Variants in FILIP1L observed in about 807,000 individuals in gnomAD.
FILIP1L encodes the protein filamin A-interacting protein 1-like.
In FILIP1L, 55 loss-of-function variants were observed where a neutral mutation model predicts 96.6. That is an observed-to-expected ratio of 0.57 (90% CI 0.46 to 0.71). FILIP1L has a LOEUF of 0.71. FILIP1L is among the 30% of genes least tolerant of loss of function. The pLI, the probability that FILIP1L is intolerant of heterozygous loss-of-function variation, is 0.00. For synonymous variants in FILIP1L, 467 were observed against 473.9 expected (o/e 0.99, Z 0.19); for missense variants, 1,304 against 1,321.2 (o/e 0.99, Z 0.20).
chr3:100,014,904 T>TC (rs1425892547), intron 1 of FILIP1L, among the ~76,000 whole-genome samples: 1 of 143,028 alleles, frequency 7.0e-6, no homozygotes, highest in Non-Finnish European at 1.5e-5. Context: ...TCTTTTTTTT[T>TC]TTTTTTTTTT....
At chr3:100,053,556 G>A (rs1464878216) in intron 1 of FILIP1L, among the ~76,000 whole-genome samples, 1 of 152,116 alleles carries the variant, frequency 6.6e-6, no homozygotes, top group Admixed American at 6.5e-5. Context: ...ATCTTAACTT[G>A]ATTACGTCAG....
chr3:100,026,735 T>C (rs138249241), intron 1 of FILIP1L, among the ~76,000 whole-genome samples: 237 of 152,306 alleles, frequency 1.6e-3, no homozygotes, highest in Middle Eastern at 3.4e-3. Flanking sequence ...TCTGTTGCAC[T>C]ACTGTGGTCC....
In FILIP1L at chr3:100,038,750, C is replaced by T. The variant is rs183262096; in HGVS notation, c.-11+75303G>A. ...TCCTGGGCTCAAGCGATCCTCCCAC[C>T]TCAGCCTCCCAAGTAGCTGAGATTA... On this transcript the variant is annotated intron_variant, in intron 1 of 5. Transcript: ENST00000477258. Among the ~76,000 whole-genome samples, 197 of 152,296 alleles carry T rather than the reference C, an allele frequency of 1.3e-3. 2 individuals are homozygous for T. The highest frequency in any genetic ancestry group is 4.6e-3 in the African/African-American group (190 of 41,572).
chr3:99,987,820 A>G (rs980371734), intron 1 of FILIP1L, among the ~76,000 whole-genome samples: 2 of 152,222 alleles, frequency 1.3e-5, no homozygotes, highest in Non-Finnish European at 2.9e-5. Context: ...TGTTTTTATT[A>G]ACTTAAAAAA....
At chr3:100,005,560 A>G (rs1046969312) in intron 1 of FILIP1L, among the ~76,000 whole-genome samples, 1 of 152,256 alleles carries the variant, frequency 6.6e-6, no homozygotes, top group African/African-American at 2.4e-5. Flanking sequence ...GTAATAAACC[A>G]AATTTTACAA....
chr3:99,861,377 T>C (rs1380069556), intron 4 of FILIP1L, among the ~76,000 whole-genome samples: 1 of 152,244 alleles, frequency 6.6e-6, no homozygotes, highest in Non-Finnish European at 1.5e-5. Context: ...CAGCATGTGA[T>C]GCCTTGTATT....
At chr3:99,925,589 T>G (rs1707266649) in intron 3 of FILIP1L, among the ~76,000 whole-genome samples, 1 of 152,158 alleles carries the variant, frequency 6.6e-6, no homozygotes. Flanking sequence ...TAAAAAAAAT[T>G]TTTGATTAAC....
chr3:99,833,678 G>A (rs1942779683), intron 5 of FILIP1L, among the ~76,000 whole-genome samples: 2 of 152,186 alleles, frequency 1.3e-5, no homozygotes, highest in Non-Finnish European at 2.9e-5. Flanking sequence ...AGAAAGCAGT[G>A]TTTTCTCAGG....
chr3:100,047,510 C>A (rs1041234832), intron 1 of FILIP1L, among the ~76,000 whole-genome samples: 1 of 152,124 alleles, frequency 6.6e-6, no homozygotes, highest in Non-Finnish European at 1.5e-5. Flanking sequence ...CTGAAACCAG[C>A]GAGGGTCATA....
At position 99,879,684 on chromosome 3, in the gene FILIP1L, C is replaced by T. The variant is rs1705654845; in HGVS notation, c.606-28614G>A. 1.3e-5 allele frequency among the ~76,000 whole-genome samples: 2 copies of T among 152,276 alleles called. 1 individual carries two copies. Among genetic ancestry groups the T allele is most frequent in the South Asian group, 4.1e-4 (2 of 4,822 alleles). On this transcript the variant is annotated intron_variant, in intron 4 of 5. Transcript: ENST00000477258. The stretch of plus-strand genomic sequence containing the variant: ...TTAAGCAGTTGGTACGCTCTGCTCC[C>T]TAGGAGCTCTGCTTTGAGCTATGAG...
intron 1 of FILIP1L, among the ~76,000 whole-genome samples, chr3:100,015,569 T>C (rs1366483391): frequency 6.6e-6 from 1 of 152,232 alleles, no homozygotes; most frequent in Non-Finnish European, 1.5e-5. Flanking sequence ...CATTCTTGGT[T>C]TCAAGTTCAT....
At chr3:99,963,955 C>T (rs779875535) in intron 1 of FILIP1L, among the ~76,000 whole-genome samples, 4 of 152,044 alleles carry the variant, frequency 2.6e-5, no homozygotes, top group Non-Finnish European at 5.9e-5. Flanking sequence ...TGTGTCATAA[C>T]GAAAATGATC....
intron 1 of FILIP1L, among the ~76,000 whole-genome samples, chr3:100,043,777 TC>T (rs56688172): frequency 0.01 from 1,536 of 152,350 alleles, 24 homozygotes; most frequent in African/African-American, 0.035. Context: ...AGTTAACATA[TC>T]CATCACCTCA....
intron 1 of FILIP1L, among the ~76,000 whole-genome samples, chr3:99,990,950 G>A (rs1197748461): frequency 6.6e-6 from 1 of 152,080 alleles, no homozygotes; most frequent in Admixed American, 6.5e-5. Context: ...TTAAACTTTG[G>A]TTGGAAATAA....
At chr3:99,973,736 T>A (rs80017418) in intron 1 of FILIP1L, among the ~76,000 whole-genome samples, 404 of 152,206 alleles carry the variant, frequency 2.7e-3, no homozygotes, top group Admixed American at 5.0e-3. Flanking sequence ...TTAAGCTCAC[T>A]TTTTTCCCCC....
chr3:99,883,280 C>G (rs1389144812), intron 4 of FILIP1L, among the ~76,000 whole-genome samples: 1 of 152,194 alleles, frequency 6.6e-6, no homozygotes, highest in Non-Finnish European at 1.5e-5. Context: ...AACTTCCACT[C>G]ATTGTTCTTC....
chr3:100,007,772 G>A (rs1710030126), intron 1 of FILIP1L, among the ~76,000 whole-genome samples: 2 of 152,118 alleles, frequency 1.3e-5, no homozygotes, highest in African/African-American at 4.8e-5. Context: ...ATATAGTACT[G>A]ATAGAAAAAA....
At chr3:100,021,286 C>T (rs1416754300) in intron 1 of FILIP1L, among the ~76,000 whole-genome samples, 3 of 152,160 alleles carry the variant, frequency 2.0e-5, no homozygotes, top group Admixed American at 6.5e-5. Flanking sequence ...TAAGTTCATT[C>T]TTCTTTGGAG....
At chr3:100,077,165 C>G (rs2065863261) in intron 1 of FILIP1L, among the ~76,000 whole-genome samples, 1 of 152,176 alleles carries the variant, frequency 6.6e-6, no homozygotes. Context: ...ACTTGACATG[C>G]AAAGAACTTA....
Sources: allele counts gnomAD v4.1 joint callset (sites outside exome capture counted in the v4.1 genomes callset), GRCh38; gene constraint gnomAD v4.1.1; transcripts MANE v1.5; gene names NCBI Gene and HGNC (gene_info 2026-07-23, HGNC 2026-07-21).